The following LRRC4B variants were observed in gnomAD, a reference collection of about 807,000 sequenced individuals.
LRRC4B encodes the protein leucine-rich repeat-containing protein 4B.
A neutral mutation model predicts 7.3 loss-of-function variants in LRRC4B; 1 was observed. That is an observed-to-expected ratio of 0.14 (90% confidence interval 0.05 to 0.65). The LOEUF is 0.65. LRRC4B is among the 30% of genes least tolerant of loss of function. LRRC4B has a pLI of 0.84. For missense variants in LRRC4B, 730 were observed against 1,041.6 expected, an observed-to-expected ratio of 0.70 and a Z score of 4.12; for synonymous variants, 500 against 499.2, an observed-to-expected ratio of 1.00 and a Z score of -0.02.
At chr19:50,532,417 A>G (rs1981099203) in intron 2 of LRRC4B, among the ~76,000 whole-genome samples, 1 of 152,120 alleles carries the variant, frequency 6.6e-6, no homozygotes, top group African/African-American at 2.4e-5. Context: ...AAAGTGTCAG[A>G]GGCCCTTCAG....
chr19:50,562,059 A>C (rs1016687610), intron 1 of LRRC4B, among the ~76,000 whole-genome samples: 38 of 151,626 alleles, frequency 2.5e-4, no homozygotes, highest in Non-Finnish European at 4.7e-4. Context: ...CAGAGGTTGC[A>C]GTGAGCCGAG....
chr19:50,534,824 G>A (rs563063588), intron 2 of LRRC4B, among the ~76,000 whole-genome samples: 1 of 152,222 alleles, frequency 6.6e-6, no homozygotes, highest in Admixed American at 6.5e-5. Flanking sequence ...ACTGTGGTAA[G>A]AAAACAATTA....
At chr19:50,529,476 G>C (rs1599764929) in intron 2 of LRRC4B, among the ~76,000 whole-genome samples, 1 of 152,066 alleles carries the variant, frequency 6.6e-6, no homozygotes, top group African/African-American at 2.4e-5. Context: ...ATCACTGATC[G>C]CTAGGCAGAG....
At chr19:50,523,625 T>C (rs1980676516) in intron 2 of LRRC4B, among the ~76,000 whole-genome samples, 1 of 148,378 alleles carries the variant, frequency 6.7e-6, no homozygotes, top group Admixed American at 6.8e-5. Context: ...ATCGCGCCAC[T>C]GCACTCTGGC....
Position 50,548,897 on chromosome 19 carries a change from G to C in LRRC4B, c.-35-24C>G. Reference sequence around the variant, plus strand: ...GGCTGTGGGTGGGGGAGAGAAGGGGGAGAGGCTTGGTGAGGGACAGGAGCC... The same window carrying C: ...GGCTGTGGGTGGGGGAGAGAAGGGGCAGAGGCTTGGTGAGGGACAGGAGCC... On this transcript the variant is annotated intron_variant, in intron 1 of 2. Transcript: ENST00000652263. The surrounding 1 kb of genome is among the most constrained non-coding windows in gnomAD (Gnocchi z 6.8). The C allele has an allele frequency of 5.5e-4, 551 of 1,001,920 alleles. No homozygotes were observed. The highest frequency in any genetic ancestry group is 6.9e-4 in the Non-Finnish European group (490 of 706,670). The allele number at this position is 1,001,920 out of a possible 1,614,324, so 62.1% of individuals were successfully genotyped here. A position where few individuals can be genotyped will look rare whatever the true frequency, so the allele number is the denominator to read the frequency against.
intron 1 of LRRC4B, among the ~76,000 whole-genome samples, chr19:50,554,591 T>G (rs1171695335): frequency 1.3e-5 from 2 of 152,202 alleles, no homozygotes; most frequent in Non-Finnish European, 2.9e-5. Context: ...ACAGGAATGC[T>G]GGCTAACCTC....
chr19:50,528,789 C>G (rs1316980821), intron 2 of LRRC4B, among the ~76,000 whole-genome samples: 1 of 152,188 alleles, frequency 6.6e-6, no homozygotes, highest in African/African-American at 2.4e-5. Flanking sequence ...GGGGGCTCAG[C>G]CTGCAGGACA....
intron 2 of LRRC4B, among the ~76,000 whole-genome samples, chr19:50,543,698 CAAA>C (rs1280490189): frequency 2.7e-5 from 4 of 147,390 alleles, no homozygotes; most frequent in African/African-American, 1.0e-4. Flanking sequence ...CTAGGAAGTA[CAAA>C]AATTAGCTGA....
At chr19:50,552,115 G>A (rs780099949) in intron 1 of LRRC4B, among the ~76,000 whole-genome samples, 14 of 152,080 alleles carry the variant, frequency 9.2e-5, no homozygotes, top group African/African-American at 1.2e-4. Context: ...GTGCCAAGCC[G>A]GAGCCTCATG....
intron 1 of LRRC4B, among the ~76,000 whole-genome samples, chr19:50,565,606 T>C (rs1248443285): frequency 1.3e-5 from 2 of 152,004 alleles, no homozygotes; most frequent in East Asian, 3.9e-4. Flanking sequence ...CGTGTCTTCC[T>C]CGCACGCTCC....
At position 50,518,216 on chromosome 19, in the gene LRRC4B, G is replaced by A. The variant is rs1434657460; in HGVS notation, c.1497C>T (p.Pro499=). 4.4e-6 allele frequency: 7 copies of A among 1,608,752 alleles called. No homozygotes were observed. The highest frequency in any genetic ancestry group is 3.3e-5 in the Admixed American group (2 of 59,806). Residue 499 remains proline, a synonymous_variant, in exon 3 of 3, where the codon CCC becomes CCT. Coordinates refer to ENST00000652263, the MANE Select transcript of LRRC4B (RefSeq NM_001080457.2). ...TVTVETLETQ[P]GEEALQPRGT... is the part of the protein sequence containing the mutation. ...CCCGCGGCTGCAGGGCCTCCTCTCC[G>A]GGCTGCGTCTCCAGGGTCTCCACGG...
At chr19:50,554,050 G>A (rs1263592739) in intron 1 of LRRC4B, among the ~76,000 whole-genome samples, 2 of 145,772 alleles carry the variant, frequency 1.4e-5, no homozygotes, top group East Asian at 4.0e-4. Context: ...CTGGAGTGCA[G>A]TGGCGCGATC....
chr19:50,532,020 C>T (rs977228303), intron 2 of LRRC4B, among the ~76,000 whole-genome samples: 7 of 152,048 alleles, frequency 4.6e-5, no homozygotes, highest in East Asian at 1.9e-4. Context: ...CTCAGGAGTT[C>T]GAGACCAGCC....
chr19:50,552,638 G>GTCCA (rs1599782779), intron 1 of LRRC4B, among the ~76,000 whole-genome samples: 2 of 47,376 alleles, frequency 4.2e-5, no homozygotes, highest in East Asian at 7.7e-4. Flanking sequence ...TCATCCATCC[G>GTCCA]CCCATCCGTC....
chr19:50,566,767 G>A (rs1285700322), intron 1 of LRRC4B, among the ~76,000 whole-genome samples: 2 of 151,246 alleles, frequency 1.3e-5, no homozygotes, highest in Non-Finnish European at 2.9e-5. Context: ...GATTGGGGGG[G>A]TCTGAGACTG....
At chr19:50,520,246 AAG>A (rs1980513546) in intron 2 of LRRC4B, among the ~76,000 whole-genome samples, 3 of 39,800 alleles carry the variant, frequency 7.5e-5, no homozygotes, top group Non-Finnish European at 1.3e-4. Context: ...AAAAAAAAAA[AAG>A]AAGAAAAGAA....
rs568706000 is a variant in LRRC4B at position 50,565,363 on chromosome 19, G to A, written c.-36+2581C>T. Among the ~76,000 whole-genome samples the A allele has an allele frequency of 3.9e-5, 6 of 152,328 alleles. No homozygotes were observed. In the East Asian group the frequency reaches 1.2e-3, roughly 29 times the overall value. ...TGTCTCTCCCTCCAGGTCTGTGTACGAAGGACTGTGTGTGTCTCTGTGTGA... is the reference window on the plus strand; with the variant it reads ...TGTCTCTCCCTCCAGGTCTGTGTACAAAGGACTGTGTGTGTCTCTGTGTGA... On this transcript the variant is annotated intron_variant, in intron 1 of 2. Coordinates refer to ENST00000652263, the MANE Select transcript of LRRC4B (RefSeq NM_001080457.2).
chr19:50,531,686 C>T (rs750495713), intron 2 of LRRC4B, among the ~76,000 whole-genome samples: 1 of 152,130 alleles, frequency 6.6e-6, no homozygotes, highest in South Asian at 2.1e-4. Flanking sequence ...TGAGCAGCCT[C>T]GTGGGGGATG....
At chr19:50,530,607 C>T (rs985587861) in intron 2 of LRRC4B, among the ~76,000 whole-genome samples, 1 of 152,208 alleles carries the variant, frequency 6.6e-6, no homozygotes, top group African/African-American at 2.4e-5. Context: ...GAAAGGACCT[C>T]ACAACGTCAG....
Sources: allele counts gnomAD v4.1 joint callset (sites outside exome capture counted in the v4.1 genomes callset), GRCh38; gene constraint gnomAD v4.1.1; non-coding constraint Gnocchi (gnomAD v3.1); transcripts MANE v1.5; gene names NCBI Gene and HGNC (gene_info 2026-07-23, HGNC 2026-07-21).